CFAP54: variants seen among roughly 807,000 people sequenced by gnomAD.
CFAP54 encodes cilia and flagella associated protein 54.
A neutral mutation model predicts 370.4 loss-of-function variants in CFAP54; 290 were observed. The ratio of observed to expected loss-of-function variants is 0.78; its 90% CI spans 0.71 to 0.86. The LOEUF is 0.86. Ranked by LOEUF, CFAP54 falls within the 40% of genes least tolerant of loss-of-function variation. The pLI, the probability that CFAP54 is intolerant of heterozygous loss-of-function variation, is 0.00. For missense variants in CFAP54, 3,399 were observed against 3,528.7 expected (o/e 0.96, Z 0.93); for synonymous variants, 1,206 against 1,236.5 (o/e 0.98, Z 0.52).
chr12:96,510,347 C>T (rs1469342679), intron 4 of CFAP54, among the ~76,000 whole-genome samples: 1 of 151,888 alleles, frequency 6.6e-6, no homozygotes, highest in African/African-American at 2.4e-5. Flanking sequence ...ATACCATTTA[C>T]TCTCTGAGTC....
intron 36 of CFAP54, among the ~76,000 whole-genome samples, chr12:96,653,170 AATTGTAAGTACAGTGCT>A (rs796948718): frequency 3.2e-4 from 48 of 152,328 alleles, no homozygotes; most frequent in African/African-American, 1.1e-3. Flanking sequence ...ATAAAACTGT[AATTGTAAGTACAGTGCT>A]TTCAGTGAGT....
At chr12:96,503,166 TA>T (rs1215378872) in intron 2 of CFAP54, among the ~76,000 whole-genome samples, 2 of 146,776 alleles carry the variant, frequency 1.4e-5, no homozygotes, top group Non-Finnish European at 3.0e-5. Context: ...TCCCTCCCTT[TA>T]TTTTTTCCTT....
At chr12:96,852,039 A>G (rs1959559989) in intron 66 of CFAP54, among the ~76,000 whole-genome samples, 1 of 152,166 alleles carries the variant, frequency 6.6e-6, no homozygotes, top group African/African-American at 2.4e-5. Flanking sequence ...ATCACTGGAA[A>G]TATAAATTTT....
At chr12:96,621,992 G>C (rs1432633733) in intron 27 of CFAP54, among the ~76,000 whole-genome samples, 1 of 140,626 alleles carries the variant, frequency 7.1e-6, no homozygotes, top group Non-Finnish European at 1.5e-5. Flanking sequence ...AGTTAATGAT[G>C]ATAGAGAGCT....
At chr12:96,597,534 A>G (rs551666976) in intron 25 of CFAP54, among the ~76,000 whole-genome samples, 105 of 152,126 alleles carry the variant, frequency 6.9e-4, no homozygotes, top group African/African-American at 2.5e-3. Context: ...AGATTGTACA[A>G]CCATGAAAAT....
At chr12:96,697,462 G>A (rs1027129489) in intron 45 of CFAP54, among the ~76,000 whole-genome samples, 8 of 152,138 alleles carry the variant, frequency 5.3e-5, no homozygotes, top group Non-Finnish European at 1.2e-4. Flanking sequence ...AAAGACCAAA[G>A]TATGCAACTC....
intron 26 of CFAP54, among the ~76,000 whole-genome samples, chr12:96,606,048 T>TGGG (rs11378511): frequency 1.9e-4 from 29 of 151,990 alleles, no homozygotes; most frequent in Admixed American, 9.2e-4. Flanking sequence ...TGTGATTTAG[T>TGGG]GGGGGGGTGA....
At chr12:96,857,044 G>A (rs987337397) in intron 66 of CFAP54, among the ~76,000 whole-genome samples, 15 of 152,328 alleles carry the variant, frequency 9.8e-5, no homozygotes, top group African/African-American at 3.6e-4. Flanking sequence ...GCAGCAGCAA[G>A]GAGAAGTGCA....
chr12:96,784,580 C>T, intron 60 of CFAP54, 137 bp from the exon 61 acceptor site: 1 of 584,920 alleles, frequency 1.7e-6, no homozygotes, highest in Non-Finnish European at 2.7e-6. Context: ...CTGCATGATA[C>T]AAAAGACTTT....
At chr12:96,649,532 A>G (rs1422644520) in intron 34 of CFAP54, among the ~76,000 whole-genome samples, 3 of 152,118 alleles carry the variant, frequency 2.0e-5, no homozygotes, top group African/African-American at 7.2e-5. Context: ...TTTCTGATAT[A>G]TTGTCTTAGG....
Position 96,679,625 on chromosome 12 carries a change from CTGCG to C in CFAP54, c.5593_5596del (p.Val1865ProfsTer4). The C allele has an allele frequency of 6.2e-7, 1 of 1,613,144 alleles. No homozygotes were observed. The highest frequency in any genetic ancestry group is 8.5e-7 in the Non-Finnish European group (1 of 1,179,576). Reference sequence around the variant, plus strand: ...AATACAGCCGAGCCAAAGCGCTTGTCTGCGTGCCCGTGGACGTGACAGACACCTT... The same window carrying C: ...AATACAGCCGAGCCAAAGCGCTTGTCTGCCCGTGGACGTGACAGACACCTT... On this transcript the variant is annotated frameshift_variant, in exon 40 of 68. Transcript: ENST00000524981. LOFTEE classifies it high-confidence loss of function.
At chr12:96,574,598 G>T (rs1362859948) in intron 19 of CFAP54, among the ~76,000 whole-genome samples, 1 of 151,856 alleles carries the variant, frequency 6.6e-6, no homozygotes, top group Non-Finnish European at 1.5e-5. Context: ...TGTTTGAAAT[G>T]TCTTTTTGGC....
At chr12:96,625,856 G>A in intron 29 of CFAP54, 49 bp downstream of exon 29, 1 of 1,308,014 alleles carries the variant, frequency 7.6e-7, no homozygotes, top group Non-Finnish European at 1.1e-6. Flanking sequence ...TATCACTGAA[G>A]AGAATTAATT....
intron 23 of CFAP54, 89 bp downstream of exon 23, chr12:96,589,652 G>A (rs1956106734): frequency 1.2e-6 from 1 of 808,308 alleles, no homozygotes; most frequent in African/African-American, 1.9e-5. Context: ...TTAATATCAT[G>A]TTCAGATAGT....
At chr12:96,870,831 T>G (rs909419840) in intron 67 of CFAP54, among the ~76,000 whole-genome samples, 16 of 152,298 alleles carry the variant, frequency 1.1e-4, no homozygotes, top group African/African-American at 3.6e-4. Context: ...AAATGATGTT[T>G]GAAGTCCCTG....
At chr12:96,726,671 T>G (rs920671740) in intron 50 of CFAP54, among the ~76,000 whole-genome samples, 2 of 152,002 alleles carry the variant, frequency 1.3e-5, no homozygotes, top group Admixed American at 1.3e-4. Flanking sequence ...GTGTCTCTAT[T>G]TCCTTCAGTT....
At chr12:96,679,540 C>G in intron 39 of CFAP54, 60 bp from the exon 40 acceptor site, 1 of 1,516,476 alleles carries the variant, frequency 6.6e-7, no homozygotes, top group Non-Finnish European at 8.9e-7. Flanking sequence ...AACTTGCTGG[C>G]TCTTACCTTG....
intron 67 of CFAP54, among the ~76,000 whole-genome samples, chr12:96,864,122 A>G (rs1008695149): frequency 1.3e-5 from 2 of 152,214 alleles, no homozygotes; most frequent in Non-Finnish European, 2.9e-5. Context: ...TTTTTTAAAG[A>G]CCAAATTACA....
At chr12:96,867,472 A>G (rs111442556) in intron 67 of CFAP54, among the ~76,000 whole-genome samples, 2,296 of 152,228 alleles carry the variant, frequency 0.015, 68 homozygotes, top group African/African-American at 0.052. Flanking sequence ...TTGCAGCATT[A>G]CTCTCAATAG....
Sources: gnomAD v4.1 joint callset for allele counts (sites outside exome capture counted in the v4.1 genomes callset) on GRCh38, gnomAD v4.1.1 for gene constraint, MANE v1.5 for transcripts, NCBI Gene and HGNC (gene_info 2026-07-23, HGNC 2026-07-21) for gene names.